GALNTL6: variants seen among roughly 807,000 people sequenced by gnomAD.
GALNTL6 encodes polypeptide N-acetylgalactosaminyltransferase-like 6.
A neutral mutation model predicts 73.7 loss-of-function variants in GALNTL6; 46 were observed. The ratio of observed to expected loss-of-function variants is 0.62; its 90% CI spans 0.49 to 0.80. GALNTL6 has a LOEUF of 0.80. Among genes scored for constraint, GALNTL6 ranks in the 30% least tolerant of loss-of-function variants. GALNTL6 has a pLI of 0.00. For missense variants in GALNTL6, 604 were observed against 755.0 expected (o/e 0.80, Z 2.34); for synonymous variants, 259 against 263.7 (o/e 0.98, Z 0.17).
chr4:171,967,720 C>G (rs192963096), intron 2 of GALNTL6, among the ~76,000 whole-genome samples: 95 of 152,058 alleles, frequency 6.2e-4, no homozygotes, highest in Non-Finnish European at 1.3e-3. Flanking sequence ...ATACTCATTT[C>G]GTGACATTTA....
intron 5 of GALNTL6, among the ~76,000 whole-genome samples, chr4:172,473,490 C>T (rs377597796): frequency 6.6e-6 from 1 of 152,172 alleles, no homozygotes; most frequent in African/African-American, 2.4e-5. Flanking sequence ...CTAGGGAGGA[C>T]AACAATGACC....
At chr4:171,916,895 C>G (rs1296834479) in intron 2 of GALNTL6, among the ~76,000 whole-genome samples, 1 of 151,964 alleles carries the variant, frequency 6.6e-6, no homozygotes, top group African/African-American at 2.4e-5. Flanking sequence ...TCCACTAAAG[C>G]TTGGGTAAAG....
chr4:172,408,107 TC>T (rs1744301895), intron 5 of GALNTL6, among the ~76,000 whole-genome samples: 1 of 152,096 alleles, frequency 6.6e-6, no homozygotes, highest in Non-Finnish European at 1.5e-5. Context: ...GTGAAATACT[TC>T]CTTCAGAATG....
At chr4:172,977,810 C>T (rs1470862284) in intron 10 of GALNTL6, among the ~76,000 whole-genome samples, 1 of 152,116 alleles carries the variant, frequency 6.6e-6, no homozygotes, top group Non-Finnish European at 1.5e-5. Flanking sequence ...TCGCATGTCT[C>T]ATTAGCATCT....
At chr4:172,864,979 T>C (rs1314600225) in intron 7 of GALNTL6, among the ~76,000 whole-genome samples, 4 of 152,210 alleles carry the variant, frequency 2.6e-5, no homozygotes, top group Non-Finnish European at 5.9e-5. Flanking sequence ...AGTTGCATTA[T>C]TGGATCTGCT....
chr4:172,999,834 T>C (rs1183177988), intron 10 of GALNTL6, among the ~76,000 whole-genome samples: 2 of 151,994 alleles, frequency 1.3e-5, no homozygotes, highest in Non-Finnish European at 2.9e-5. Flanking sequence ...CAGATTCTCA[T>C]TGCCAATTAG....
intron 2 of GALNTL6, among the ~76,000 whole-genome samples, chr4:171,829,163 C>T (rs1427198676): frequency 6.6e-6 from 1 of 152,090 alleles, no homozygotes; most frequent in Non-Finnish European, 1.5e-5. Context: ...GTAAACTGTA[C>T]TAGCAGTGCT....
At chr4:172,259,312 A>T (rs1738178575) in intron 3 of GALNTL6, among the ~76,000 whole-genome samples, 1 of 151,104 alleles carries the variant, frequency 6.6e-6, no homozygotes, top group African/African-American at 2.4e-5. Context: ...GCAGGAGTAA[A>T]GTGTTATGTC....
intron 5 of GALNTL6, among the ~76,000 whole-genome samples, chr4:172,754,843 CAAAAA>C: frequency 7.8e-6 from 1 of 128,944 alleles, no homozygotes; most frequent in Admixed American, 7.7e-5. Context: ...TCACTTCCAC[CAAAAA>C]AAAAAAAAAA....
chr4:172,378,895 G>T (rs190246124), intron 5 of GALNTL6, among the ~76,000 whole-genome samples: 91 of 152,132 alleles, frequency 6.0e-4, no homozygotes, highest in African/African-American at 2.0e-3. Context: ...TTATGTTCAA[G>T]ATTTTATGTA....
intron 2 of GALNTL6, among the ~76,000 whole-genome samples, chr4:171,863,216 A>C (rs72983832): frequency 0.014 from 2,146 of 152,274 alleles, 55 homozygotes; most frequent in African/African-American, 0.049. Context: ...AAATGGTGAT[A>C]AATATGGAGG....
intron 2 of GALNTL6, among the ~76,000 whole-genome samples, chr4:171,869,234 T>C (rs527710376): frequency 1.3e-5 from 2 of 152,238 alleles, no homozygotes; most frequent in South Asian, 4.1e-4. Flanking sequence ...TAAACGTGTA[T>C]AGAAAGAAAG....
In GALNTL6 at chr4:172,918,748, G is replaced by T. The variant is rs117573661; in HGVS notation, c.1042-12413G>T. ...AGATGCTGTGTGTATTATTTAATTT[G>T]GTCCTTACAACCACCTATGAAGTAG... On this transcript the variant is annotated intron_variant, in intron 8 of 12. Transcript: ENST00000506823. Among the ~76,000 whole-genome samples the T allele has an allele frequency of 7.7e-4, 117 of 152,128 alleles. 1 individual carries two copies. In the East Asian group the frequency reaches 0.013, roughly 17 times the overall value.
At chr4:172,570,154 T>C (rs1736708612) in intron 5 of GALNTL6, among the ~76,000 whole-genome samples, 1 of 152,164 alleles carries the variant, frequency 6.6e-6, no homozygotes, top group South Asian at 2.1e-4. Flanking sequence ...ACAAGCTCCA[T>C]GTTCAAGGAA....
intron 7 of GALNTL6, among the ~76,000 whole-genome samples, chr4:172,829,435 G>A (rs1742500016): frequency 6.6e-6 from 1 of 152,170 alleles, no homozygotes; most frequent in African/African-American, 2.4e-5. Context: ...TGATATCCAT[G>A]TTTGAGCAGC....
rs34091824 is a variant in GALNTL6, at chr4:172,434,720, G to GA, written c.553+86039dup. Among the ~76,000 whole-genome samples, 31 of 151,680 alleles carry GA rather than the reference G, an allele frequency of 2.0e-4. No homozygotes were observed. The East Asian group carries it at 2.7e-3, about 13-fold the overall frequency. The stretch of plus-strand genomic sequence containing the variant: ...AAGTGATGGTAATGGCAATCACAAA[G>GA]AAAAAAAATGGCTTATTGGTCAAAA... On this transcript the variant is annotated intron_variant, in intron 5 of 12. Coordinates refer to ENST00000506823, the MANE Select transcript of GALNTL6 (RefSeq NM_001034845.3).
At chr4:171,865,317 T>C (rs1214013185) in intron 2 of GALNTL6, among the ~76,000 whole-genome samples, 1 of 151,948 alleles carries the variant, frequency 6.6e-6, no homozygotes, top group African/African-American at 2.4e-5. Flanking sequence ...TGAGCAGAAA[T>C]ACAGATAGGG....
intron 7 of GALNTL6, among the ~76,000 whole-genome samples, chr4:172,842,215 C>G (rs777052762): frequency 2.0e-5 from 3 of 152,184 alleles, no homozygotes; most frequent in Non-Finnish European, 4.4e-5. Context: ...TATACTTAAC[C>G]TAAAATGGCT....
chr4:172,436,755 T>A (rs1488764594), intron 5 of GALNTL6, among the ~76,000 whole-genome samples: 5 of 152,116 alleles, frequency 3.3e-5, no homozygotes, highest in African/African-American at 1.2e-4. Flanking sequence ...TTGAAGTATT[T>A]CAGGAGTTGT....
Sources: allele counts gnomAD v4.1 joint callset (sites outside exome capture counted in the v4.1 genomes callset), GRCh38; gene constraint gnomAD v4.1.1; transcripts MANE v1.5; gene names NCBI Gene and HGNC (gene_info 2026-07-23, HGNC 2026-07-21).